Variants in ROBO2 observed in about 807,000 individuals in gnomAD.
ROBO2 encodes the protein roundabout homolog 2.
ROBO2 carries 53 observed loss-of-function variants against 160.8 expected under a neutral mutation model. The ratio of observed to expected loss-of-function variants is 0.33; its 90% CI spans 0.26 to 0.41. The LOEUF (loss-of-function observed/expected upper bound fraction) is 0.41, where lower values mean the gene tolerates loss of function less well. Ranked by LOEUF, ROBO2 falls within the 10% of genes least tolerant of loss-of-function variation. The pLI is 1.00. For synonymous variants in ROBO2, 664 were observed against 611.7 expected (o/e 1.09, Z -1.26); for missense variants, 1,577 against 1,722.4 (o/e 0.92, Z 1.49).
At chr3:76,707,199 C>T (rs951730300) in intron 2 of ROBO2, among the ~76,000 whole-genome samples, 5 of 151,988 alleles carry the variant, frequency 3.3e-5, no homozygotes, top group Non-Finnish European at 7.4e-5. Context: ...AACTTTTCCC[C>T]TCTGATTCCC....
chr3:76,422,653 C>T (rs2076043530), intron 2 of ROBO2, among the ~76,000 whole-genome samples: 1 of 152,124 alleles, frequency 6.6e-6, no homozygotes, highest in Admixed American at 6.6e-5. Context: ...ATCTGGGCAT[C>T]AGAAACATGG....
intron 2 of ROBO2, among the ~76,000 whole-genome samples, chr3:76,510,142 A>G (rs1560067421): frequency 6.6e-6 from 1 of 152,132 alleles, no homozygotes; most frequent in African/African-American, 2.4e-5. Flanking sequence ...TGCATGCATT[A>G]CTCACTGTGA....
chr3:76,802,562 A>C (rs548475783), intron 2 of ROBO2, among the ~76,000 whole-genome samples: 23 of 152,066 alleles, frequency 1.5e-4, no homozygotes, highest in African/African-American at 4.6e-4. Flanking sequence ...CCCCGTCTCT[A>C]CTAAAAATAC....
chr3:77,064,419 G>A (rs1272156607), intron 1 of ROBO2, among the ~76,000 whole-genome samples: 2 of 146,128 alleles, frequency 1.4e-5, no homozygotes, highest in African/African-American at 2.6e-5. Flanking sequence ...GGAGTACAGT[G>A]GCACAATCTC....
At chr3:76,585,285 CTT>C (rs990612513) in intron 2 of ROBO2, among the ~76,000 whole-genome samples, 1 of 152,178 alleles carries the variant, frequency 6.6e-6, no homozygotes, top group Non-Finnish European at 1.5e-5. Flanking sequence ...CAATTATACA[CTT>C]CAGGCATTTT....
intron 2 of ROBO2, among the ~76,000 whole-genome samples, chr3:76,104,635 T>C (rs1227074144): frequency 1.4e-5 from 2 of 147,644 alleles, no homozygotes; most frequent in East Asian, 3.9e-4. Flanking sequence ...GGCTACTAAA[T>C]AGTAAATGAT....
intron 2 of ROBO2, among the ~76,000 whole-genome samples, chr3:77,438,360 G>A (rs1051830048): frequency 2.6e-5 from 4 of 151,840 alleles, no homozygotes; most frequent in Non-Finnish European, 5.9e-5. Flanking sequence ...TGATTTCTGA[G>A]CATTTCAAGC....
At chr3:76,481,662 C>CT (rs1273027150) in intron 2 of ROBO2, among the ~76,000 whole-genome samples, 4 of 152,094 alleles carry the variant, frequency 2.6e-5, no homozygotes, top group African/African-American at 7.2e-5. Flanking sequence ...TACCCCAGTC[C>CT]TTTTAAACCA....
At chr3:76,555,653 C>T (rs2083741969) in intron 2 of ROBO2, among the ~76,000 whole-genome samples, 3 of 152,134 alleles carry the variant, frequency 2.0e-5, no homozygotes, top group Non-Finnish European at 4.4e-5. Flanking sequence ...AAATGAAGTA[C>T]TCTAAGGCTT....
At chr3:76,846,154 T>C (rs2068755639) in intron 2 of ROBO2, among the ~76,000 whole-genome samples, 2 of 152,270 alleles carry the variant, frequency 1.3e-5, no homozygotes, top group East Asian at 1.9e-4. Context: ...GTATTGGACA[T>C]ATCACTTTTT....
chr3:77,356,847 G>GT (rs1378029520), intron 2 of ROBO2, among the ~76,000 whole-genome samples: 1 of 152,120 alleles, frequency 6.6e-6, no homozygotes, highest in Non-Finnish European at 1.5e-5. Context: ...ATTGAAATAT[G>GT]TGGACATATT....
At chr3:77,522,283 T>A (rs890388420) in intron 5 of ROBO2, among the ~76,000 whole-genome samples, 2 of 151,248 alleles carry the variant, frequency 1.3e-5, no homozygotes, top group African/African-American at 4.8e-5. Flanking sequence ...TTACATACCC[T>A]TAATTCTTTT....
intron 2 of ROBO2, among the ~76,000 whole-genome samples, chr3:76,457,931 A>G (rs930152745): frequency 6.6e-6 from 1 of 152,020 alleles, no homozygotes; most frequent in Non-Finnish European, 1.5e-5. Flanking sequence ...TCAGCTGCAC[A>G]CAGCACGGGA....
At chr3:77,529,661 A>G (rs1315013525) in intron 6 of ROBO2, among the ~76,000 whole-genome samples, 1 of 151,888 alleles carries the variant, frequency 6.6e-6, no homozygotes, top group African/African-American at 2.4e-5. Flanking sequence ...AGATGTTTCC[A>G]AAGTTATTTC....
chr3:75,951,236 C>T (rs1308171131), intron 2 of ROBO2, among the ~76,000 whole-genome samples: 1 of 152,008 alleles, frequency 6.6e-6, no homozygotes, highest in African/African-American at 2.4e-5. Flanking sequence ...CAATGATGTT[C>T]AGTGAAGACT....
chr3:77,462,077 G>A (rs1187349778), intron 2 of ROBO2, among the ~76,000 whole-genome samples: 1 of 152,168 alleles, frequency 6.6e-6, no homozygotes, highest in Non-Finnish European at 1.5e-5. Flanking sequence ...TAATTTGAGA[G>A]AGAAAAATAA....
At chr3:76,460,271 G>A (rs1365508810) in intron 2 of ROBO2, among the ~76,000 whole-genome samples, 3 of 151,826 alleles carry the variant, frequency 2.0e-5, no homozygotes, top group Non-Finnish European at 2.9e-5. Flanking sequence ...CATAAATAGT[G>A]AAATATTAGA....
intron 2 of ROBO2, among the ~76,000 whole-genome samples, chr3:76,591,279 A>G (rs890750003): frequency 6.6e-6 from 1 of 152,168 alleles, no homozygotes; most frequent in Non-Finnish European, 1.5e-5. Flanking sequence ...GCGGATCCTC[A>G]TAAAGGACTT....
At chr3:75,937,444 T>G in intron 1 of ROBO2, 1 of 1,165,538 alleles carries the variant, frequency 8.6e-7, no homozygotes, top group East Asian at 2.7e-5. Context: ...AGAATGTAAT[T>G]TATTGTACTT....
Sources: allele counts gnomAD v4.1 joint callset (sites outside exome capture counted in the v4.1 genomes callset), GRCh38; gene constraint gnomAD v4.1.1; transcripts MANE v1.5; gene names NCBI Gene and HGNC (gene_info 2026-07-23, HGNC 2026-07-21).